DOCK4: variants seen among roughly 807,000 people sequenced by gnomAD.
The protein encoded by DOCK4 is dedicator of cytokinesis 4, also known as dedicator of cytokinesis protein 4.
DOCK4 carries 97 observed loss-of-function variants against 268.1 expected under a neutral mutation model. The observed-to-expected ratio is 0.36, with a 90% CI of 0.31 to 0.43. The LOEUF (loss-of-function observed/expected upper bound fraction) is 0.43. Among genes scored for constraint, DOCK4 ranks in the 20% least tolerant of loss-of-function variants. The pLI is 1.00. For synonymous variants in DOCK4, 954 were observed against 887.2 expected (o/e 1.08, Z -1.34); for missense variants, 2,145 against 2,455.7 (o/e 0.87, Z 2.67).
Position 111,739,388 on chromosome 7 carries a change from G to T in DOCK4, c.5122+8C>A. 6.3e-7 allele frequency: 1 copy of T among 1,591,940 alleles called. No homozygotes were observed. Among genetic ancestry groups the T allele is most frequent in the Non-Finnish European group, 8.6e-7 (1 of 1,169,018 alleles). On this transcript the variant is annotated splice_region_variant and intron_variant, in intron 48 of 52. Coordinates refer to ENST00000428084, the MANE Select transcript of DOCK4 (RefSeq NM_001363540.2). ...CACCCTCAGTCTTCCCCACACTCTG[G>T]CACTGACCTCTGGCACTCGATGGAG...
intron 12 of DOCK4, 25 bp downstream of exon 12, chr7:111,935,515 A>C (rs1794671161): frequency 6.2e-7 from 1 of 1,607,778 alleles, no homozygotes; most frequent in Non-Finnish European, 8.5e-7. Context: ...AAGTGTAGGG[A>C]AAGTCAGCCA....
intron 1 of DOCK4, among the ~76,000 whole-genome samples, chr7:112,160,225 A>G (rs1281708115): frequency 6.6e-6 from 1 of 152,160 alleles, no homozygotes; most frequent in African/African-American, 2.4e-5. Flanking sequence ...CTGTAAACAG[A>G]GGCTCCTGCT....
chr7:111,932,344 G>GT (rs938873873), intron 12 of DOCK4, among the ~76,000 whole-genome samples: 1 of 152,144 alleles, frequency 6.6e-6, no homozygotes, highest in Non-Finnish European at 1.5e-5. Context: ...GATTAGTTTG[G>GT]TATTTGTTTA....
intron 24 of DOCK4, among the ~76,000 whole-genome samples, chr7:111,845,390 T>C (rs1315241737): frequency 6.6e-6 from 1 of 152,226 alleles, no homozygotes; most frequent in Non-Finnish European, 1.5e-5. Context: ...ATGTAAATAT[T>C]AGGAAATGGT....
chr7:112,054,149 C>T (rs1400970735), intron 1 of DOCK4, among the ~76,000 whole-genome samples: 1 of 152,026 alleles, frequency 6.6e-6, no homozygotes, highest in Non-Finnish European at 1.5e-5. Context: ...TAGTGAGACC[C>T]TAACTCTATA....
chr7:112,101,369 A>AG lies in DOCK4; in HGVS notation c.38-97239dup, dbSNP rs546865472. 2.3e-4 allele frequency among the ~76,000 whole-genome samples: 35 copies of AG among 152,334 alleles called. 2 individuals are homozygous for AG. In the South Asian group the frequency reaches 6.6e-3, roughly 29 times the overall value. On this transcript the variant is annotated intron_variant, in intron 1 of 52. Coordinates refer to ENST00000428084, the MANE Select transcript of DOCK4 (RefSeq NM_001363540.2). Reference sequence around the variant, plus strand: ...TCTACTTCATAGCTCTCGTCCCCGGAGGGGTAAAATATATGCTATAAAGAA... The same window carrying AG: ...TCTACTTCATAGCTCTCGTCCCCGGAGGGGGTAAAATATATGCTATAAAGAA...
chr7:111,928,845 T>TC (rs1793953361), intron 12 of DOCK4, among the ~76,000 whole-genome samples: 1 of 152,184 alleles, frequency 6.6e-6, no homozygotes, highest in South Asian at 2.1e-4. Flanking sequence ...GACCTCGGCC[T>TC]CCCAAAGTAC....
intron 2 of DOCK4, among the ~76,000 whole-genome samples, chr7:112,003,709 C>T (rs1800626999): frequency 6.6e-6 from 1 of 152,130 alleles, no homozygotes; most frequent in Non-Finnish European, 1.5e-5. Context: ...TGCTCTGGGC[C>T]TCTGCTTCTT....
At chr7:111,869,440 G>T in intron 21 of DOCK4, 134 bp downstream of exon 21, 1 of 801,690 alleles carries the variant, frequency 1.2e-6, no homozygotes, top group Non-Finnish European at 2.0e-6. Flanking sequence ...GTCACAAACT[G>T]ATTAAGATCC....
chr7:112,154,832 C>T (rs1816461428), intron 1 of DOCK4, among the ~76,000 whole-genome samples: 1 of 152,160 alleles, frequency 6.6e-6, no homozygotes, highest in Non-Finnish European at 1.5e-5. Context: ...GCAACTTCAG[C>T]CAGGCTACGG....
intron 1 of DOCK4, among the ~76,000 whole-genome samples, chr7:112,135,727 TTTC>T (rs144999928): frequency 0.22 from 33,020 of 151,336 alleles, 5,621 homozygotes; most frequent in African/African-American, 0.46. Context: ...GCTTTTTCTA[TTTC>T]TTTTTTCCAA....
At chr7:111,757,015 G>A (rs1196154420) in intron 41 of DOCK4, among the ~76,000 whole-genome samples, 2 of 152,216 alleles carry the variant, frequency 1.3e-5, no homozygotes, top group South Asian at 4.1e-4. Context: ...TCTGAGGAGT[G>A]AGTAGGAGTT....
intron 37 of DOCK4, among the ~76,000 whole-genome samples, chr7:111,768,534 C>A (rs1797908278): frequency 6.6e-6 from 1 of 152,096 alleles, no homozygotes; most frequent in Admixed American, 6.5e-5. Flanking sequence ...AAGACATGTA[C>A]CACCAAAGCA....
chr7:112,065,499 T>A (rs1205948635), intron 1 of DOCK4, among the ~76,000 whole-genome samples: 1 of 150,950 alleles, frequency 6.6e-6, no homozygotes, highest in Non-Finnish European at 1.5e-5. Context: ...TTCAACTGCA[T>A]GAGGGAAGGT....
intron 16 of DOCK4, among the ~76,000 whole-genome samples, chr7:111,893,997 G>A (rs58989439): frequency 1.2e-4 from 18 of 152,296 alleles, no homozygotes; most frequent in African/African-American, 4.3e-4. Context: ...GCTGAGGTGG[G>A]CGGATCACGA....
chr7:111,939,319 G>A (rs1344862499), intron 11 of DOCK4, among the ~76,000 whole-genome samples: 2 of 151,828 alleles, frequency 1.3e-5, no homozygotes, highest in African/African-American at 2.4e-5. Flanking sequence ...ATTGAGACCA[G>A]CCTGGCTAAC....
chr7:112,059,451 ATTT>A (rs1164173342), intron 1 of DOCK4, among the ~76,000 whole-genome samples: 1 of 151,980 alleles, frequency 6.6e-6, no homozygotes, highest in African/African-American at 2.4e-5. Context: ...GCGTTTCCAA[ATTT>A]TTTAAATGCA....
rs1049696598 is a variant in DOCK4 at position 111,727,182 on chromosome 7, G to C, written c.*1092C>G. The C allele has an allele frequency of 2.0e-5, 3 of 152,642 alleles. No individual in the cohort carries two copies. Among genetic ancestry groups the C allele is most frequent in the African/African-American group, 7.2e-5 (3 of 41,456 alleles). 9.5% of individuals were successfully genotyped at this position (152,642 alleles called of 1,614,324 possible). On this transcript the variant is annotated 3_prime_UTR_variant, in exon 53 of 53. Coordinates refer to ENST00000428084, the MANE Select transcript of DOCK4 (RefSeq NM_001363540.2). ...ATGCTATGTTGCAATATTCAAGCTAGAGAAGTCTACAGCAATCCTCCTTCA... is the reference window on the plus strand; with the variant it reads ...ATGCTATGTTGCAATATTCAAGCTACAGAAGTCTACAGCAATCCTCCTTCA...
chr7:111,787,711 A>G (rs957005980), intron 32 of DOCK4, among the ~76,000 whole-genome samples: 2 of 152,204 alleles, frequency 1.3e-5, no homozygotes, highest in Non-Finnish European at 2.9e-5. Flanking sequence ...CATCAATACT[A>G]AAGCACTGAT....
Sources: allele counts gnomAD v4.1 joint callset (sites outside exome capture counted in the v4.1 genomes callset), GRCh38; gene constraint gnomAD v4.1.1; transcripts MANE v1.5; gene names NCBI Gene and HGNC (gene_info 2026-07-23, HGNC 2026-07-21).